The following TAFA1 variants were observed in gnomAD, a reference collection of about 807,000 sequenced individuals.
TAFA1 encodes TAFA chemokine like family member 1.
A neutral mutation model predicts 18.5 loss-of-function variants in TAFA1; 4 were observed. That is an observed-to-expected ratio of 0.22 (90% confidence interval 0.11 to 0.49). The LOEUF (loss-of-function observed/expected upper bound fraction) is 0.49, where lower values mean the gene tolerates loss of function less well. Ranked by LOEUF, TAFA1 falls within the 20% of genes least tolerant of loss-of-function variation. The pLI, the probability that TAFA1 is intolerant of heterozygous loss-of-function variation, is 0.98. For synonymous variants in TAFA1, 56 were observed against 55.2 expected (o/e 1.01, Z -0.06); for missense variants, 147 against 169.0 (o/e 0.87, Z 0.72).
chr3:68,089,622 C>A (rs915758627), intron 2 of TAFA1, among the ~76,000 whole-genome samples: 1 of 152,044 alleles, frequency 6.6e-6, no homozygotes, highest in Non-Finnish European at 1.5e-5. Context: ...GCCATGAATT[C>A]CAGGGGAATA....
Position 68,065,907 on chromosome 3 carries a change from C to T in TAFA1, c.118+59163C>T, listed in dbSNP as rs529499207. ...TGTGATATATCCATACAATAGGATG[C>T]TCAGCAATAAAAACTAATGAACTAT... On this transcript the variant is annotated intron_variant, in intron 2 of 4. Coordinates refer to ENST00000478136, the MANE Select transcript of TAFA1 (RefSeq NM_213609.4). 3.3e-5 allele frequency among the ~76,000 whole-genome samples: 5 copies of T among 152,070 alleles called. No homozygotes were observed. In the South Asian group the frequency reaches 1.0e-3, roughly 32 times the overall value.
At chr3:68,504,121 A>G (rs956045627) in intron 3 of TAFA1, among the ~76,000 whole-genome samples, 1 of 152,174 alleles carries the variant, frequency 6.6e-6, no homozygotes, top group African/African-American at 2.4e-5. Flanking sequence ...TTATTTATGT[A>G]TAACCAAATA....
chr3:68,266,881 G>C (rs1451471712), intron 2 of TAFA1, among the ~76,000 whole-genome samples: 1 of 152,146 alleles, frequency 6.6e-6, no homozygotes, highest in African/African-American at 2.4e-5. Flanking sequence ...GAAGCTACGT[G>C]TCCTGCCTGA....
chr3:68,049,769 T>C (rs1280023015), intron 2 of TAFA1, among the ~76,000 whole-genome samples: 2 of 152,066 alleles, frequency 1.3e-5, no homozygotes, highest in Non-Finnish European at 2.9e-5. Context: ...AGCTCTGTCC[T>C]TTTTAGGTGG....
At chr3:68,069,710 A>G (rs920858561) in intron 2 of TAFA1, among the ~76,000 whole-genome samples, 3 of 152,224 alleles carry the variant, frequency 2.0e-5, no homozygotes, top group Admixed American at 2.0e-4. Flanking sequence ...GTTACTTCCT[A>G]GATACAATGA....
At chr3:68,012,645 T>G (rs1704494417) in intron 2 of TAFA1, among the ~76,000 whole-genome samples, 1 of 152,184 alleles carries the variant, frequency 6.6e-6, no homozygotes, top group African/African-American at 2.4e-5. Context: ...ATAATTTTTA[T>G]TTTTTGGATT....
chr3:68,260,860 G>T (rs1575721174), intron 2 of TAFA1, among the ~76,000 whole-genome samples: 1 of 152,136 alleles, frequency 6.6e-6, no homozygotes, highest in African/African-American at 2.4e-5. Flanking sequence ...ATAGGCATGG[G>T]CAAGGACTTC....
In TAFA1 at chr3:68,178,217, G is replaced by A. The variant is rs2066150603; in HGVS notation, c.118+171473G>A. Among the ~76,000 whole-genome samples the A allele has an allele frequency of 2.0e-5, 3 of 152,012 alleles. No individual in the cohort carries two copies. In the South Asian group the frequency reaches 6.2e-4, roughly 32 times the overall value. ...ATATGGTAACTATTTATTATGTTGT[G>A]TGATGGCCTAACCAAAATTTATTTT... On this transcript the variant is annotated intron_variant, in intron 2 of 4. Transcript: ENST00000478136.
At chr3:68,472,630 T>C (rs1405978254) in intron 3 of TAFA1, among the ~76,000 whole-genome samples, 2 of 152,162 alleles carry the variant, frequency 1.3e-5, no homozygotes, top group African/African-American at 4.8e-5. Flanking sequence ...GTTGTGATAT[T>C]GTAGTTTAGC....
chr3:68,021,596 T>A lies in TAFA1; in HGVS notation c.118+14852T>A, dbSNP rs78891558. ...TGTGTGTTTCATCTATACTGCTGTATGTACCCTGTATTTTCTACTCTGAAT... is the reference window on the plus strand; with the variant it reads ...TGTGTGTTTCATCTATACTGCTGTAAGTACCCTGTATTTTCTACTCTGAAT... On this transcript the variant is annotated intron_variant, in intron 2 of 4. Transcript: ENST00000478136. 4.6e-4 allele frequency among the ~76,000 whole-genome samples: 70 copies of A among 152,328 alleles called. 1 individual carries two copies. The East Asian group carries it at 0.013, about 28-fold the overall frequency.
intron 2 of TAFA1, among the ~76,000 whole-genome samples, chr3:68,188,184 A>C (rs2066292879): frequency 6.6e-6 from 1 of 151,926 alleles, no homozygotes; most frequent in Non-Finnish European, 1.5e-5. Flanking sequence ...TTAAATTTCT[A>C]AGTGCTATTT....
At chr3:68,261,587 A>G (rs1035985014) in intron 2 of TAFA1, among the ~76,000 whole-genome samples, 11 of 127,400 alleles carry the variant, frequency 8.6e-5, no homozygotes, top group African/African-American at 2.8e-4. Flanking sequence ...ATGCAGCCAT[A>G]AAAAAATGAT....
chr3:68,355,546 A>G (rs2069344806), intron 2 of TAFA1, among the ~76,000 whole-genome samples: 1 of 151,994 alleles, frequency 6.6e-6, no homozygotes, highest in South Asian at 2.1e-4. Flanking sequence ...AATGATTATT[A>G]CTACCACCAT....
intron 3 of TAFA1, among the ~76,000 whole-genome samples, chr3:68,500,871 GA>G (rs1375638121): frequency 2.0e-5 from 3 of 151,940 alleles, no homozygotes; most frequent in Admixed American, 6.6e-5. Context: ...GCTATCAAAA[GA>G]GGGGGAAAAT....
intron 2 of TAFA1, among the ~76,000 whole-genome samples, chr3:68,415,034 A>G (rs2070783088): frequency 6.6e-6 from 1 of 152,308 alleles, no homozygotes; most frequent in East Asian, 1.9e-4. Context: ...TCTGAGTTAA[A>G]GAGTGTAATA....
intron 3 of TAFA1, among the ~76,000 whole-genome samples, chr3:68,519,121 TC>T (rs2072974755): frequency 6.6e-6 from 1 of 152,162 alleles, no homozygotes. Flanking sequence ...TGTGTGTGTC[TC>T]CCCCACCCTC....
intron 3 of TAFA1, among the ~76,000 whole-genome samples, chr3:68,439,412 C>CATATATATATATATATATAT (rs57059146): frequency 0.015 from 1,124 of 73,156 alleles, 64 homozygotes; most frequent in Non-Finnish European, 0.019. Flanking sequence ...TATATACATA[C>CATATATATATATATATATAT]ATATATATAT....
intron 2 of TAFA1, among the ~76,000 whole-genome samples, chr3:68,416,965 C>A (rs1189523116): frequency 6.6e-6 from 1 of 152,116 alleles, no homozygotes; most frequent in Non-Finnish European, 1.5e-5. Flanking sequence ...CCAAAATATG[C>A]ATTTAAATCA....
intron 2 of TAFA1, among the ~76,000 whole-genome samples, chr3:68,334,084 A>G (rs1388325564): frequency 1.3e-5 from 2 of 152,250 alleles, no homozygotes; most frequent in East Asian, 3.9e-4. Flanking sequence ...AATGTGCAAC[A>G]TGGAAACTAT....
Sources: gnomAD v4.1 joint callset for allele counts (sites outside exome capture counted in the v4.1 genomes callset) on GRCh38, gnomAD v4.1.1 for gene constraint, MANE v1.5 for transcripts, NCBI Gene and HGNC (gene_info 2026-07-23, HGNC 2026-07-21) for gene names.